Variants in MCM7 observed in about 807,000 individuals in gnomAD.
MCM7 encodes DNA replication licensing factor MCM7.
Under a neutral mutation model 83.5 loss-of-function variants are expected in MCM7, and 95 were observed. The observed-to-expected ratio is 1.14, with a 90% CI of 0.96 to 1.35. The LOEUF is 1.35. Among genes scored for constraint, MCM7 ranks in the 40% most tolerant of loss-of-function variants. MCM7 has a pLI of 0.00. For missense variants in MCM7, 1,087 were observed against 957.4 expected, an observed-to-expected ratio of 1.14 and a Z score of -1.79; for synonymous variants, 461 against 352.7, an observed-to-expected ratio of 1.31 and a Z score of -3.44.
At chr7:100,096,868 C>T (rs1304189333) in intron 10 of MCM7, among the ~76,000 whole-genome samples, 4 of 152,096 alleles carry the variant, frequency 2.6e-5, no homozygotes, top group South Asian at 2.1e-4. Flanking sequence ...TTTGGGAGGC[C>T]GAGGCGGGCG....
Position 100,092,826 on chromosome 7 carries a change from TG to T in MCM7, c.*105del. The stretch of plus-strand genomic sequence containing the variant: ...ATTAGCAAAAGGAGTAAGTGCAGCA[TG>T]GGAGAAAGAGGGGCTCCTCCTTCCC... On this transcript the variant is annotated 3_prime_UTR_variant, in exon 15 of 15. Coordinates refer to ENST00000303887, the MANE Select transcript of MCM7 (RefSeq NM_005916.5). 8.7e-7 allele frequency: 1 copy of T among 1,155,996 alleles called. No homozygotes were observed. The highest frequency in any genetic ancestry group is 1.3e-6 in the Non-Finnish European group (1 of 780,596). The allele number at this position is 1,155,996 out of a possible 1,614,324, so 71.6% of individuals were successfully genotyped here.
At position 100,099,766 on chromosome 7, in the gene MCM7, A is replaced by T; in HGVS notation, c.112-13T>A. ...GAGCCAGCCGAACCTCAAGTGGGGA[A>T]GAGACAGAAACACCTCAGAGCCACA... is the stretch of plus-strand genomic sequence containing the variant. On this transcript the variant is annotated splice_polypyrimidine_tract_variant and intron_variant, in intron 2 of 14. Transcript: ENST00000303887. The T allele has an allele frequency of 6.2e-7, 1 of 1,613,346 alleles. No individual in the cohort carries two copies. Among genetic ancestry groups the T allele is most frequent in the Non-Finnish European group, 8.5e-7 (1 of 1,179,810 alleles).
intron 6 of MCM7, 112 bp downstream of exon 6, chr7:100,098,466 C>T (rs1795761050): frequency 2.0e-6 from 3 of 1,529,438 alleles, no homozygotes; most frequent in East Asian, 2.3e-5. Flanking sequence ...GTTCCACCTC[C>T]CTCCTGCACT....
At position 100,093,381 on chromosome 7, in the gene MCM7, A is replaced by G; in HGVS notation, c.1869T>C (p.Asp623=). The G allele has an allele frequency of 6.2e-7, 1 of 1,613,964 alleles. No individual in the cohort carries two copies. Among genetic ancestry groups the G allele is most frequent in the Non-Finnish European group, 8.5e-7 (1 of 1,179,940 alleles). The part of the protein sequence containing the change: ...STALARLRMV[D]VVEKEDVNEA... ...CATTCACATCTTCTTTCTCCACCAC[A>G]TCCACCATTCTCAGACGTGCCTAAG... Residue 623 remains aspartate (D), a synonymous_variant, in exon 14 of 15, where the codon GAT becomes GAC. Transcript: ENST00000303887.
intron 13 of MCM7, 191 bp downstream of exon 13, chr7:100,093,982 G>A (rs780699107): frequency 2.1e-5 from 17 of 791,594 alleles, no homozygotes; most frequent in Admixed American, 3.8e-5. Flanking sequence ...CTCCACGGAC[G>A]CTGTGCGTGC....
chr7:100,093,741 G>A (rs767766933), intron 13 of MCM7: 2 of 632,972 alleles, frequency 3.2e-6, no homozygotes, highest in Non-Finnish European at 3.1e-6. Context: ...GCTCAGCCAA[G>A]AAGACAATTG....
chr7:100,095,236 T>A (rs969703435), intron 12 of MCM7, 151 bp downstream of exon 12: 4 of 729,070 alleles, frequency 5.5e-6, no homozygotes, highest in Non-Finnish European at 9.7e-6. Flanking sequence ...AGTGTGGAAT[T>A]TTCCACTTAA....
intron 1 of MCM7, chr7:100,100,926 G>A (rs1469777024): frequency 2.9e-6 from 3 of 1,025,476 alleles, no homozygotes; most frequent in Admixed American, 4.8e-5. Context: ...GAAGGAAAGC[G>A]GGCACGGGAG....
At position 100,098,237 on chromosome 7, in the gene MCM7, T is replaced by G. The variant is rs746497141; in HGVS notation, c.774A>C (p.Glu258Asp). The G allele has an allele frequency of 3.7e-6, 6 of 1,614,138 alleles. No homozygotes were observed. The highest frequency in any genetic ancestry group is 1.6e-4 in the Middle Eastern group (1 of 6,062). ...GCTGGGCAATCCTTGTGTTCTCTCC[T>G]TCTACCAGCACCGTGATACTACGAG... Reference protein sequence around the residue: ...NIPRSITVLVEGENTRIAQPG... With the variant: ...NIPRSITVLVDGENTRIAQPG... The change falls in exon 7 of 15, where the codon GAA (glutamate) becomes GAC (aspartate). Residue 258 changes from glutamate (E) to aspartate (D), a missense_variant. Transcript: ENST00000303887.
Position 100,099,682 on chromosome 7 carries a change from C to T in MCM7, c.183G>A (p.Glu61=), listed in dbSNP as rs370572217. The T allele has an allele frequency of 1.9e-6, 3 of 1,614,130 alleles. No individual in the cohort carries two copies. The highest frequency in any genetic ancestry group is 2.7e-5 in the African/African-American group (2 of 74,940). Residue 61 remains glutamate, a synonymous_variant, in exon 3 of 15, where the codon GAG becomes GAA. Coordinates refer to ENST00000303887, the MANE Select transcript of MCM7 (RefSeq NM_005916.5). ...DLDDVAEDDP[E]LVDSICENAR... ...CATTCTCACAAATTGAGTCCACCAA[C>T]TCGGGGTCATCCTCGGCTACGTCGT... is the stretch of plus-strand genomic sequence containing the variant.
Position 100,098,676 on chromosome 7 carries a change from T to C in MCM7, c.622A>G (p.Ser208Gly). 6.2e-7 allele frequency: 1 copy of C among 1,614,086 alleles called. No individual in the cohort carries two copies. ...PTFMPLIMCP[S>G]QECQTNRSGG... ...GAGCGGTTGGTTTGGCACTCCTGGC[T>C]TGGGCACATGATCAGAGGCATGAAA... Residue 208 changes from serine to glycine, a missense_variant, in exon 6 of 15, where the codon AGC (serine) becomes GGC (glycine). Physicochemically the swap from Ser to Gly is moderately conservative, Grantham distance 56. Transcript: ENST00000303887.
Position 100,101,395 on chromosome 7 carries a change from A to G in MCM7, c.-101T>C, listed in dbSNP as rs1487087866. The G allele has an allele frequency of 6.5e-6, 10 of 1,530,132 alleles. No individual in the cohort carries two copies. Among genetic ancestry groups the G allele is most frequent in the Admixed American group, 1.7e-5 (1 of 58,612 alleles). 94.8% of individuals were successfully genotyped at this position (1,530,132 alleles called of 1,614,324 possible). ...GGTGGACTGTGGCCGGCCAACCGAA[A>G]TTGGCGCGAAACGTCGCCCCCCACG... On this transcript the variant is annotated 5_prime_UTR_variant, in exon 1 of 15. Coordinates refer to ENST00000303887, the MANE Select transcript of MCM7 (RefSeq NM_005916.5).
At chr7:100,093,210 A>G in intron 14 of MCM7, 77 bp from the exon 15 acceptor site, 1 of 1,596,550 alleles carries the variant, frequency 6.3e-7, no homozygotes. Flanking sequence ...AATGGTGGCC[A>G]GTGTTAGAAT....
intron 10 of MCM7, among the ~76,000 whole-genome samples, chr7:100,096,523 G>C (rs761825099): frequency 1.3e-5 from 2 of 152,202 alleles, no homozygotes; most frequent in Non-Finnish European, 2.9e-5. Flanking sequence ...TCTAATCCCA[G>C]CACTTTCGGA....
rs774795129 is a variant in MCM7, at chr7:100,095,935, G to T, written c.1434C>A (p.Leu478=). Residue 478 remains leucine, a synonymous_variant, in exon 11 of 15, where the codon CTC becomes CTA. Transcript: ENST00000303887. The part of the protein sequence containing the change: ...SIAKAGILTT[L]NARCSILAAA... ...CAGCCAGGATGGAGCAGCGGGCATTGAGTGTGGTGAGAATGCCGGCCTTGG... is the reference window on the plus strand; with the variant it reads ...CAGCCAGGATGGAGCAGCGGGCATTTAGTGTGGTGAGAATGCCGGCCTTGG... The T allele has an allele frequency of 1.2e-6, 2 of 1,614,070 alleles. No homozygotes were observed. Among genetic ancestry groups the T allele is most frequent in the South Asian group, 1.1e-5 (1 of 91,078 alleles).
chr7:100,098,853 C>G (rs1795782112), intron 5 of MCM7, 138 bp from the exon 6 acceptor site: 3 of 1,369,318 alleles, frequency 2.2e-6, no homozygotes, highest in Non-Finnish European at 3.0e-6. Context: ...TCTGGGTCAA[C>G]AACAAACACC....
At chr7:100,094,118 G>C in intron 13 of MCM7, 55 bp downstream of exon 13, 3 of 1,609,780 alleles carry the variant, frequency 1.9e-6, no homozygotes, top group East Asian at 2.2e-5. Flanking sequence ...GCACGGTAAG[G>C]AGCTACCCCT....
chr7:100,101,197 C>T (rs2116607652), intron 1 of MCM7, 67 bp downstream of exon 1: 1 of 1,593,104 alleles, frequency 6.3e-7, no homozygotes, highest in Admixed American at 1.7e-5. Flanking sequence ...GACCCCAGCT[C>T]ACACCAACAG....
At position 100,098,593 on chromosome 7, in the gene MCM7, C is replaced by T. The variant is rs769937272; in HGVS notation, c.705G>A (p.Met235Ile). The change falls in exon 6 of 15, where the codon ATG (methionine) becomes ATA (isoleucine). Residue 235 changes from methionine to isoleucine, a missense_variant. Coordinates refer to ENST00000303887, the MANE Select transcript of MCM7 (RefSeq NM_005916.5). ...RGSRFIKFQEMKMQEHSDQVP... is the reference protein window; with the variant it reads ...RGSRFIKFQEIKMQEHSDQVP... ...CCAAACTCACATGTTCTTGCATCTT[C>T]ATCTCCTGGAATTTGATGAATCTGG... 1 of 1,614,218 alleles carries T rather than the reference C, an allele frequency of 6.2e-7. No individual in the cohort carries two copies. The highest frequency in any genetic ancestry group is 8.5e-7 in the Non-Finnish European group (1 of 1,180,032).
Sources: gnomAD v4.1 joint callset for allele counts (sites outside exome capture counted in the v4.1 genomes callset) on GRCh38, gnomAD v4.1.1 for gene constraint, MANE v1.5 for transcripts, NCBI Gene and HGNC (gene_info 2026-07-23, HGNC 2026-07-21) for gene names.